Variants in TMEFF2 observed in about 807,000 individuals in gnomAD.
The protein encoded by TMEFF2 is transmembrane protein with EGF like and two follistatin like domains 2, also known as tomoregulin-2.
A neutral mutation model predicts 53.8 loss-of-function variants in TMEFF2; 28 were observed. The ratio of observed to expected loss-of-function variants is 0.52; its 90% CI spans 0.39 to 0.71. The LOEUF is 0.71. Among genes scored for constraint, TMEFF2 ranks in the 30% least tolerant of loss-of-function variants. The probability of loss-of-function intolerance (pLI) is 0.00; values close to 1 mark genes in which losing one functional copy is unlikely to be tolerated. For missense variants in TMEFF2, 353 were observed against 455.2 expected (o/e 0.78, Z 2.04); for synonymous variants, 162 against 166.3 (o/e 0.97, Z 0.20).
At chr2:192,034,630 ATTG>A (rs1421141667) in intron 5 of TMEFF2, 1 of 152,114 alleles carries the variant, frequency 6.6e-6, no homozygotes, top group Non-Finnish European at 1.5e-5. Flanking sequence ...CTGTTTATAA[ATTG>A]TTGTCCTACT....
intron 4 of TMEFF2, among the ~76,000 whole-genome samples, chr2:192,106,810 C>T (rs1265105612): frequency 2.0e-5 from 3 of 151,830 alleles, no homozygotes; most frequent in Admixed American, 6.6e-5. Context: ...TGTAAAAATA[C>T]ATCAATAGTG....
intron 5 of TMEFF2, among the ~76,000 whole-genome samples, chr2:192,021,403 A>G (rs1559087533): frequency 6.6e-6 from 1 of 152,216 alleles, no homozygotes; most frequent in Non-Finnish European, 1.5e-5. Flanking sequence ...GATATAGAAA[A>G]TGAGAAGATA....
chr2:192,070,637 G>T (rs903773075), intron 4 of TMEFF2, among the ~76,000 whole-genome samples: 1 of 151,810 alleles, frequency 6.6e-6, no homozygotes, highest in African/African-American at 2.4e-5. Flanking sequence ...CATTGCCAGG[G>T]ATTTACACAT....
intron 4 of TMEFF2, among the ~76,000 whole-genome samples, chr2:192,125,280 TAAAC>T (rs1452424760): frequency 6.6e-6 from 1 of 152,136 alleles, no homozygotes; most frequent in East Asian, 1.9e-4. Flanking sequence ...AGGGAGAAGA[TAAAC>T]AAGTAAAACA....
At chr2:192,005,906 G>A (rs1361994787) in intron 5 of TMEFF2, among the ~76,000 whole-genome samples, 1 of 152,142 alleles carries the variant, frequency 6.6e-6, no homozygotes, top group Non-Finnish European at 1.5e-5. Context: ...TAAGGAAACT[G>A]CAGTGCAGGA....
At chr2:191,978,984 G>T (rs1685796224) in intron 7 of TMEFF2, among the ~76,000 whole-genome samples, 1 of 152,148 alleles carries the variant, frequency 6.6e-6, no homozygotes, top group Non-Finnish European at 1.5e-5. Context: ...ACCATACAAT[G>T]TAGGAAAAAT....
intron 4 of TMEFF2, among the ~76,000 whole-genome samples, chr2:192,080,137 C>T (rs1048851361): frequency 1.3e-5 from 2 of 152,188 alleles, no homozygotes; most frequent in Non-Finnish European, 1.5e-5. Flanking sequence ...ATCACATAGG[C>T]TTACTCCAGT....
chr2:191,977,990 T>C (rs1417564385), intron 7 of TMEFF2, among the ~76,000 whole-genome samples: 1 of 152,202 alleles, frequency 6.6e-6, no homozygotes, highest in Non-Finnish European at 1.5e-5. Flanking sequence ...CATACTAATA[T>C]CCACCAGATG....
intron 4 of TMEFF2, among the ~76,000 whole-genome samples, chr2:192,087,282 A>G (rs564210728): frequency 7.2e-5 from 11 of 152,258 alleles, no homozygotes; most frequent in African/African-American, 2.6e-4. Flanking sequence ...ACCTAGTGAA[A>G]AAAAACAGCC....
At position 191,950,361 on chromosome 2, in the gene TMEFF2, C is replaced by G; in HGVS notation, c.1075G>C (p.Gly359Arg). ...GTTGTATTGTCTGAACTGTAGTGCC[C>G]TGTATTTTGCTTCTGTCTGTGAATT... The part of the protein sequence containing the change: ...NRIHRQKQNT[G>R]HYSSDNTTRA... Residue 359 changes from glycine (G) to arginine (R), a missense_variant, in exon 10 of 10, where the codon GGG becomes CGG. Gly to Arg is a moderately radical substitution (Grantham distance 125). Transcript: ENST00000272771. The G allele has an allele frequency of 1.2e-6, 2 of 1,613,782 alleles. No homozygotes were observed. Among genetic ancestry groups the G allele is most frequent in the Non-Finnish European group, 1.7e-6 (2 of 1,179,874 alleles).
At chr2:192,176,935 AC>A (rs1173334380) in intron 4 of TMEFF2, 2 of 151,208 alleles carry the variant, frequency 1.3e-5, no homozygotes, top group African/African-American at 2.4e-5. Flanking sequence ...TAAATGTTTT[AC>A]AAGTAAATTT....
At chr2:192,133,230 T>A (rs1689902423) in intron 4 of TMEFF2, among the ~76,000 whole-genome samples, 1 of 152,202 alleles carries the variant, frequency 6.6e-6, no homozygotes, top group Admixed American at 6.5e-5. Context: ...GGGCTACAGC[T>A]GCATCTCATT....
chr2:192,052,861 T>A (rs1687807235), intron 5 of TMEFF2, among the ~76,000 whole-genome samples: 1 of 152,222 alleles, frequency 6.6e-6, no homozygotes, highest in Admixed American at 6.5e-5. Flanking sequence ...ATACCTCTAT[T>A]ATGAGAATGG....
chr2:191,982,089 A>G (rs922686285), intron 7 of TMEFF2, among the ~76,000 whole-genome samples: 1 of 151,592 alleles, frequency 6.6e-6, no homozygotes, highest in Admixed American at 6.6e-5. Context: ...AGCAACAACA[A>G]TTCTGAAGAG....
intron 4 of TMEFF2, among the ~76,000 whole-genome samples, chr2:192,100,465 G>A (rs538046573): frequency 6.6e-6 from 1 of 152,180 alleles, no homozygotes; most frequent in Non-Finnish European, 1.5e-5. Context: ...TAACCTTATC[G>A]AACAAAGGCT....
At chr2:192,037,636 A>G (rs73982331) in intron 5 of TMEFF2, among the ~76,000 whole-genome samples, 2,660 of 27,654 alleles carry the variant, frequency 0.096, 75 homozygotes, top group African/African-American at 0.13. Context: ...GGAGAGAAAG[A>G]GAGAGAAAGA....
chr2:192,033,231 T>C (rs1687188973), intron 5 of TMEFF2, among the ~76,000 whole-genome samples: 1 of 152,154 alleles, frequency 6.6e-6, no homozygotes, highest in Non-Finnish European at 1.5e-5. Flanking sequence ...GTATAAATAA[T>C]AAATGTTTAA....
chr2:192,128,225 G>C lies in TMEFF2; in HGVS notation c.439+51443C>G, dbSNP rs114427833. ...GCTAAAAATGCTATTTTTGCTCAAT[G>C]TCTATACATATATTTATTTTCAGTT... On this transcript the variant is annotated intron_variant, in intron 4 of 9. Transcript: ENST00000272771. Among the ~76,000 whole-genome samples, 553 of 152,210 alleles carry C rather than the reference G, an allele frequency of 3.6e-3. 3 individuals carry two copies. Among genetic ancestry groups the C allele is most frequent in the African/African-American group, 0.012 (518 of 41,548 alleles).
At chr2:192,048,692 T>C (rs1422450923) in intron 5 of TMEFF2, among the ~76,000 whole-genome samples, 4 of 152,198 alleles carry the variant, frequency 2.6e-5, no homozygotes, top group African/African-American at 9.7e-5. Context: ...TGGTGACTCT[T>C]CCCTCTTTTT....
Sources: gnomAD v4.1 joint callset for allele counts (sites outside exome capture counted in the v4.1 genomes callset) on GRCh38, gnomAD v4.1.1 for gene constraint, MANE v1.5 for transcripts, NCBI Gene and HGNC (gene_info 2026-07-23, HGNC 2026-07-21) for gene names.